Variants in PCDHA6 observed in about 807,000 individuals in gnomAD.
The protein encoded by PCDHA6 is protocadherin alpha 6, also known as protocadherin alpha-6.
PCDHA6 carries 55 observed loss-of-function variants against 60.3 expected under a neutral mutation model. The observed-to-expected ratio is 0.91, with a 90% CI of 0.73 to 1.14. The LOEUF is 1.14. Ranked by LOEUF, PCDHA6 falls within the 50% of genes most tolerant of loss-of-function variation. PCDHA6 has a pLI of 0.00. For missense variants in PCDHA6, 1,327 were observed against 1,256.5 expected (o/e 1.06, Z -0.85); for synonymous variants, 652 against 557.9 (o/e 1.17, Z -2.38).
intron 1 of PCDHA6, among the ~76,000 whole-genome samples, chr5:140,855,454 C>T (rs2043476507): frequency 6.7e-6 from 1 of 149,874 alleles, no homozygotes; most frequent in Non-Finnish European, 1.5e-5. Flanking sequence ...GAGTTATAAA[C>T]ACCTCACAGA....
chr5:140,842,480 T>C (rs1554139085), intron 1 of PCDHA6: 2 of 1,613,826 alleles, frequency 1.2e-6, no homozygotes, highest in Non-Finnish European at 1.7e-6. Flanking sequence ...GCAGGTGACC[T>C]GCTCCCTGAT....
intron 1 of PCDHA6, chr5:140,863,708 A>G: frequency 3.5e-6 from 1 of 284,690 alleles, no homozygotes; most frequent in Non-Finnish European, 6.9e-6. Flanking sequence ...TTTAAAGTAC[A>G]CTGGGGCCGG....
intron 1 of PCDHA6, chr5:140,968,755 A>G: frequency 6.2e-7 from 1 of 1,614,200 alleles, no homozygotes. Flanking sequence ...TGGTGGTCCG[A>G]GATAATGGAG....
At chr5:140,965,496 A>AT (rs71766133) in intron 1 of PCDHA6, among the ~76,000 whole-genome samples, 6,292 of 146,438 alleles carry the variant, frequency 0.043, 368 homozygotes, top group African/African-American at 0.14. Flanking sequence ...ATGACAGCAG[A>AT]TTTTTTTTTT....
In PCDHA6 at chr5:140,982,572, C is replaced by T; in HGVS notation, c.2542+9C>T. On this transcript the variant is annotated intron_variant, in intron 3 of 3. Coordinates refer to ENST00000529310, the MANE Select transcript of PCDHA6 (RefSeq NM_018909.4). ...ATCCAGTGCAACACCAGGTAAAGAG[C>T]TGGGGTCTCTCCATTCTTTCTTGGT... is the stretch of plus-strand genomic sequence containing the variant. 4 of 1,613,760 alleles carry T rather than the reference C, an allele frequency of 2.5e-6. No homozygotes were observed. Among genetic ancestry groups the T allele is most frequent in the Non-Finnish European group, 3.4e-6 (4 of 1,179,726 alleles).
chr5:140,986,198 C>T (rs782730684), intron 3 of PCDHA6, among the ~76,000 whole-genome samples: 1 of 152,200 alleles, frequency 6.6e-6, no homozygotes, highest in African/African-American at 2.4e-5. Flanking sequence ...ATTGGTTAAT[C>T]CTGATTACTG....
chr5:140,846,341 GC>G (rs1780334025), intron 1 of PCDHA6, among the ~76,000 whole-genome samples: 1 of 144,650 alleles, frequency 6.9e-6, no homozygotes, highest in Non-Finnish European at 1.5e-5. Flanking sequence ...CTTTTAAAGT[GC>G]TTTCTCTTTT....
chr5:140,911,953 G>T (rs1554195050), intron 1 of PCDHA6, among the ~76,000 whole-genome samples: 1 of 152,094 alleles, frequency 6.6e-6, no homozygotes, highest in Non-Finnish European at 1.5e-5. Context: ...TAAAGGGGAG[G>T]TTACTAAGGA....
chr5:140,857,100 T>G (rs782765383), intron 1 of PCDHA6: 1 of 1,597,740 alleles, frequency 6.3e-7, no homozygotes. Context: ...GAGGTGATTG[T>G]CACTTCTCTG....
At chr5:140,982,414 G>A in intron 2 of PCDHA6, 61 bp from the exon 3 acceptor site, 1 of 1,609,882 alleles carries the variant, frequency 6.2e-7, no homozygotes, top group Non-Finnish European at 8.5e-7. Flanking sequence ...TCTGAGGGTG[G>A]AAGAAGAGAT....
In PCDHA6 at chr5:140,856,586, G is replaced by A. The variant is rs1185371115; in HGVS notation, c.2394+26101G>A. 7 of 1,597,236 alleles carry A rather than the reference G, an allele frequency of 4.4e-6. 1 individual carries two copies. The highest frequency in any genetic ancestry group is 6.0e-6 in the Non-Finnish European group (7 of 1,166,914). ...CAGTCCAAATGAGTATTTTGTTCTT[G>A]ATATTATAAACAAAAAAGACAAAGA... On this transcript the variant is annotated intron_variant, in intron 1 of 3. Coordinates refer to ENST00000529310, the MANE Select transcript of PCDHA6 (RefSeq NM_018909.4).
chr5:140,863,326 G>T (rs782427157), intron 1 of PCDHA6: 3 of 1,432,470 alleles, frequency 2.1e-6, no homozygotes, highest in Non-Finnish European at 2.9e-6. Context: ...CAGCCTGTTA[G>T]TGCTCACGTT....
At chr5:140,884,143 G>T in intron 1 of PCDHA6, 1 of 1,613,438 alleles carries the variant, frequency 6.2e-7, no homozygotes. Flanking sequence ...TCCGCGTGGG[G>T]CTGTACACTG....
intron 1 of PCDHA6, among the ~76,000 whole-genome samples, chr5:140,917,650 T>G (rs897307157): frequency 1.5e-4 from 23 of 152,226 alleles, no homozygotes; most frequent in African/African-American, 5.5e-4. Context: ...CCAGCAATAT[T>G]GAGTAGGAAG....
intron 1 of PCDHA6, among the ~76,000 whole-genome samples, chr5:140,908,540 G>T (rs1562965244): frequency 6.6e-6 from 1 of 152,150 alleles, no homozygotes; most frequent in African/African-American, 2.4e-5. Flanking sequence ...TTCCACCAAA[G>T]CCCAGTAATA....
At chr5:140,859,390 C>A (rs911308831) in intron 1 of PCDHA6, 1 of 268,118 alleles carries the variant, frequency 3.7e-6, no homozygotes, top group Non-Finnish European at 6.7e-6. Context: ...CTCTAGTCAT[C>A]TTAAACAGGG....
At chr5:140,876,991 T>C in intron 1 of PCDHA6, 1 of 1,612,564 alleles carries the variant, frequency 6.2e-7, no homozygotes, top group Non-Finnish European at 8.5e-7. Flanking sequence ...ACTGTCGAGC[T>C]ACGTGTCGGT....
chr5:140,829,217 G>A lies in PCDHA6; in HGVS notation c.1126G>A (p.Asp376Asn). 4 of 1,614,204 alleles carry A rather than the reference G, an allele frequency of 2.5e-6. No homozygotes were observed. The highest frequency in any genetic ancestry group is 4.5e-5 in the East Asian group (2 of 44,880). The change falls in exon 1 of 4, where the codon GAC (aspartate) becomes AAC (asparagine). Residue 376 changes from aspartate to asparagine, a missense_variant. Physicochemically the swap from Asp to Asn is conservative, Grantham distance 23. Transcript: ENST00000529310. ...TGTCATCGCCCTAATTAGCGTGAAC[G>A]ACCTCGATTCAGGTGCCAACGGGCA... is the stretch of plus-strand genomic sequence containing the variant. Reference protein sequence around the residue: ...GTVIALISVNDLDSGANGQVN... With the variant: ...GTVIALISVNNLDSGANGQVN...
At chr5:140,946,506 A>G (rs1231345135) in intron 1 of PCDHA6, among the ~76,000 whole-genome samples, 1 of 151,616 alleles carries the variant, frequency 6.6e-6, no homozygotes, top group Non-Finnish European at 1.5e-5. Context: ...CAGTATGTCA[A>G]AGACCTATCC....
Sources: gnomAD v4.1 joint callset for allele counts (sites outside exome capture counted in the v4.1 genomes callset) on GRCh38, gnomAD v4.1.1 for gene constraint, MANE v1.5 for transcripts, NCBI Gene and HGNC (gene_info 2026-07-23, HGNC 2026-07-21) for gene names.